Variants in AMN1 observed in about 807,000 individuals in gnomAD.
AMN1 encodes protein AMN1 homolog.
A neutral mutation model predicts 33.0 loss-of-function variants in AMN1; 20 were observed. The ratio of observed to expected loss-of-function variants is 0.61; its 90% CI spans 0.43 to 0.88. The LOEUF is 0.88. Ranked by LOEUF, AMN1 falls within the 40% of genes least tolerant of loss-of-function variation. The pLI, the probability that AMN1 is intolerant of heterozygous loss-of-function variation, is 0.00. For missense variants in AMN1, 246 were observed against 307.4 expected (o/e 0.80, Z 1.49); for synonymous variants, 114 against 111.9 (o/e 1.02, Z -0.12).
At chr12:31,689,596 T>C (rs1276193819) in intron 5 of AMN1, among the ~76,000 whole-genome samples, 4 of 152,186 alleles carry the variant, frequency 2.6e-5, no homozygotes, top group Non-Finnish European at 4.4e-5. Flanking sequence ...TAGTATCTTA[T>C]AAAGCTAAAC....
chr12:31,692,251 G>C (rs1565768502), intron 5 of AMN1, among the ~76,000 whole-genome samples: 1 of 151,598 alleles, frequency 6.6e-6, no homozygotes, highest in African/African-American at 2.4e-5. Flanking sequence ...GAGGTCAGGA[G>C]TTCGAGACCA....
rs1002013507 is a variant in AMN1, at chr12:31,702,560, GTTCT to G, written c.172-557_172-554del. ...TCTGAGCTCTTTCCTGTATTTTTCT[GTTCT>G]TTATTTTTTTTCCAAAATAGAAATG... On this transcript the variant is annotated intron_variant, in intron 2 of 6. Transcript: ENST00000281471. Among the ~76,000 whole-genome samples the G allele has an allele frequency of 8.6e-5, 13 of 150,902 alleles. No homozygotes were observed. The South Asian group carries it at 1.0e-3, about 12-fold the overall frequency.
chr12:31,720,094 T>C (rs916185126), intron 1 of AMN1, among the ~76,000 whole-genome samples: 4 of 152,242 alleles, frequency 2.6e-5, no homozygotes, highest in Non-Finnish European at 5.9e-5. Flanking sequence ...ACTTTTTTCT[T>C]TTAAAAAGTT....
intron 6 of AMN1, among the ~76,000 whole-genome samples, chr12:31,682,941 G>A (rs1213649995): frequency 6.7e-6 from 1 of 150,274 alleles, no homozygotes; most frequent in Non-Finnish European, 1.5e-5. Flanking sequence ...TATAAGAAGT[G>A]ATTTGAAAGG....
intron 5 of AMN1, among the ~76,000 whole-genome samples, chr12:31,692,646 C>T (rs1051790596): frequency 2.0e-5 from 3 of 151,862 alleles, no homozygotes; most frequent in Non-Finnish European, 2.9e-5. Flanking sequence ...ATTATAGCAA[C>T]GGAAGGAAAA....
chr12:31,698,197 T>C (rs1234950947), intron 3 of AMN1, among the ~76,000 whole-genome samples: 1 of 152,168 alleles, frequency 6.6e-6, no homozygotes, highest in Non-Finnish European at 1.5e-5. Flanking sequence ...GGCTTTATTG[T>C]CCACAGGTTG....
chr12:31,684,246 C>T (rs1224902663), intron 6 of AMN1, among the ~76,000 whole-genome samples: 1 of 152,102 alleles, frequency 6.6e-6, no homozygotes, highest in African/African-American at 2.4e-5. Context: ...TCAAGTTCCA[C>T]ATTGCAACAA....
chr12:31,678,043 C>A (rs1411713153), intron 6 of AMN1, among the ~76,000 whole-genome samples: 1 of 152,178 alleles, frequency 6.6e-6, no homozygotes, highest in Admixed American at 6.5e-5. Flanking sequence ...ACTATTAGTT[C>A]ATTCTCTTTT....
At position 31,672,348 on chromosome 12, in the gene AMN1, C is replaced by T; in HGVS notation, c.733G>A (p.Val245Ile). 1 of 1,578,180 alleles carries T rather than the reference C, an allele frequency of 6.3e-7. No homozygotes were observed. Among genetic ancestry groups the T allele is most frequent in the African/African-American group, 1.3e-5 (1 of 74,238 alleles). The change falls in exon 7 of 7, where the codon GTA (valine) becomes ATA (isoleucine). Residue 245 changes from valine (V) to isoleucine (I), a missense_variant. By Grantham distance (29) the Val-to-Ile change is conservative. Transcript: ENST00000281471. ...ACTTGCTTTAGTTTGTTTGGGCCTA[C>T]TAATTGCTCCAACACTTCTCGGGAA... ...DHSREVLEQL[V>I]GPNKLKQVTW... is the part of the protein sequence containing the mutation.
At chr12:31,685,673 C>T (rs1390969585) in intron 6 of AMN1, among the ~76,000 whole-genome samples, 1 of 151,694 alleles carries the variant, frequency 6.6e-6, no homozygotes, top group Non-Finnish European at 1.5e-5. Context: ...TGGTGGCGGG[C>T]GTCTGTAATC....
intron 6 of AMN1, chr12:31,672,638 T>C: frequency 3.0e-6 from 1 of 331,370 alleles, no homozygotes; most frequent in Non-Finnish European, 5.6e-6. Flanking sequence ...TGTAATTTCA[T>C]CATAATTCCA....
chr12:31,713,418 G>A (rs1235961170), intron 1 of AMN1, among the ~76,000 whole-genome samples: 1 of 151,958 alleles, frequency 6.6e-6, no homozygotes, highest in Non-Finnish European at 1.5e-5. Context: ...GTTTTTGCTT[G>A]TTGTTTTATA....
At chr12:31,722,168 CACACACA>C (rs1939902423) in intron 1 of AMN1, among the ~76,000 whole-genome samples, 3 of 137,110 alleles carry the variant, frequency 2.2e-5, no homozygotes, top group Admixed American at 2.2e-4. Context: ...CACACACACA[CACACACA>C]CCTGGGGCTA....
At chr12:31,696,851 G>A (rs1938748078) in intron 5 of AMN1, among the ~76,000 whole-genome samples, 1 of 151,524 alleles carries the variant, frequency 6.6e-6, no homozygotes, top group Admixed American at 6.6e-5. Flanking sequence ...AACCTGGGAG[G>A]TGGAGGTTCC....
At chr12:31,726,858 C>T (rs777550386) in intron 1 of AMN1, among the ~76,000 whole-genome samples, 9 of 152,148 alleles carry the variant, frequency 5.9e-5, no homozygotes, top group Non-Finnish European at 1.0e-4. Flanking sequence ...CTGTCTTAGC[C>T]CCAAGTTCTG....
chr12:31,728,867 CG>C lies in AMN1; in HGVS notation c.38+103del, dbSNP rs201688042. On this transcript the variant is annotated intron_variant, in intron 1 of 6. Coordinates refer to ENST00000281471, the MANE Select transcript of AMN1 (RefSeq NM_001113402.2). ...CACGCGGGGCCTCTTCAGAGGTCGG[CG>C]GGGGGGGTGGGAAAGGGGCGGGGAG... 6.5e-3 allele frequency: 6,145 copies of C among 940,672 alleles called. 20 individuals carry two copies. The highest frequency in any genetic ancestry group is 0.031 in the African/African-American group (905 of 28,830). 58.3% of individuals were successfully genotyped at this position (940,672 alleles called of 1,614,324 possible).
intron 1 of AMN1, among the ~76,000 whole-genome samples, chr12:31,725,143 G>A (rs893278596): frequency 5.3e-5 from 8 of 152,188 alleles, no homozygotes; most frequent in African/African-American, 1.9e-4. Flanking sequence ...GTTTAAAACG[G>A]ATGGACACAA....
At chr12:31,694,707 C>T (rs907781554) in intron 5 of AMN1, among the ~76,000 whole-genome samples, 2 of 152,140 alleles carry the variant, frequency 1.3e-5, no homozygotes, top group Admixed American at 6.5e-5. Flanking sequence ...GATTGTGCCA[C>T]TGTACTCCAC....
intron 1 of AMN1, among the ~76,000 whole-genome samples, chr12:31,717,828 C>T (rs1939734481): frequency 6.6e-6 from 1 of 152,054 alleles, no homozygotes; most frequent in South Asian, 2.1e-4. Flanking sequence ...AGGTTTTAAG[C>T]CCTGCATGCA....
Sources: gnomAD v4.1 joint callset for allele counts (sites outside exome capture counted in the v4.1 genomes callset) on GRCh38, gnomAD v4.1.1 for gene constraint, MANE v1.5 for transcripts, NCBI Gene and HGNC (gene_info 2026-07-23, HGNC 2026-07-21) for gene names.